Variants in PIK3C2B observed in about 807,000 individuals in gnomAD.
The protein encoded by PIK3C2B is phosphatidylinositol-4-phosphate 3-kinase catalytic subunit type 2 beta.
In PIK3C2B, 83 loss-of-function variants were observed where a neutral mutation model predicts 184.3. The ratio of observed to expected loss-of-function variants is 0.45; its 90% CI spans 0.38 to 0.54. PIK3C2B has a LOEUF of 0.54. Among genes scored for constraint, PIK3C2B ranks in the 20% least tolerant of loss-of-function variants. PIK3C2B has a pLI of 0.00. For missense variants in PIK3C2B, 1,736 were observed against 2,113.5 expected (o/e 0.82, Z 3.50); for synonymous variants, 779 against 837.6 (o/e 0.93, Z 1.21).
chr1:204,451,748 C>T (rs2103491690), intron 12 of PIK3C2B, among the ~76,000 whole-genome samples: 1 of 152,360 alleles, frequency 6.6e-6, no homozygotes, highest in East Asian at 1.9e-4. Flanking sequence ...TGCACTGGCA[C>T]TGGCTTATAC....
rs760085756 is a variant in PIK3C2B, at chr1:204,425,144, G to C, written c.4717-104C>G. 3 of 868,578 alleles carry C rather than the reference G, an allele frequency of 3.5e-6. No homozygotes were observed. In the East Asian group the frequency reaches 7.9e-5, roughly 23 times the overall value. The allele number at this position is 868,578 out of a possible 1,614,324, so 53.8% of individuals were successfully genotyped here. A position where few individuals can be genotyped will look rare whatever the true frequency, so the allele number is the denominator to read the frequency against. ...GTAAAGTCTGTTGGGGGCTGATCCA[G>C]CTGAGGCTAGCACTCACCCTGCAGA... is the stretch of plus-strand genomic sequence containing the variant. On this transcript the variant is annotated intron_variant, in intron 32 of 32. Transcript: ENST00000684373.
chr1:204,424,572 A>G lies in PIK3C2B; in HGVS notation c.*280T>C, dbSNP rs1020317864. ...ACCCCACACACTCCCCAAACCAAGC[A>G]TTGCTCCCTTGACACAAGGTAAACT... On this transcript the variant is annotated 3_prime_UTR_variant, in exon 33 of 33. Transcript: ENST00000684373. 1.3e-5 allele frequency: 7 copies of G among 538,982 alleles called. No individual in the cohort carries two copies. The highest frequency in any genetic ancestry group is 2.1e-5 in the Non-Finnish European group (6 of 280,738). 33.4% of individuals were successfully genotyped at this position (538,982 alleles called of 1,614,324 possible). A position where few individuals can be genotyped will look rare whatever the true frequency, so the allele number is the denominator to read the frequency against.
In PIK3C2B at chr1:204,447,178, T is replaced by C. The variant is rs1042096328; in HGVS notation, c.2489+258A>G. Among the ~76,000 whole-genome samples, 1 of 152,160 alleles carries C rather than the reference T, an allele frequency of 6.6e-6. No homozygotes were observed. The highest frequency in any genetic ancestry group is 2.4e-5 in the African/African-American group (1 of 41,442). ...ACATCTGGGATGTGGGGCAGAGCTCTGGTCCTCCTGGGTAGCTGAGTCTGG... is the reference window on the plus strand; with the variant it reads ...ACATCTGGGATGTGGGGCAGAGCTCCGGTCCTCCTGGGTAGCTGAGTCTGG... On this transcript the variant is annotated intron_variant, in intron 15 of 32. Transcript: ENST00000684373. This position sits in a 1 kb window ranked among gnomAD's most constrained non-coding sequence, Gnocchi z 4.1.
intron 5 of PIK3C2B, among the ~76,000 whole-genome samples, chr1:204,463,784 C>T (rs763112262): frequency 3.3e-5 from 5 of 151,744 alleles, no homozygotes; most frequent in Non-Finnish European, 7.4e-5. Flanking sequence ...CTAATCCCAG[C>T]TCCAAGCTCT....
intron 5 of PIK3C2B, among the ~76,000 whole-genome samples, chr1:204,460,980 G>A (rs1655291776): frequency 6.6e-6 from 1 of 152,170 alleles, no homozygotes; most frequent in Non-Finnish European, 1.5e-5. Context: ...CGGGGAAACA[G>A]AGGCACATCA....
chr1:204,428,833 A>C (rs1674884345), intron 29 of PIK3C2B: 1 of 411,822 alleles, frequency 2.4e-6, no homozygotes, highest in Non-Finnish European at 4.8e-6. Flanking sequence ...CAAATATAGC[A>C]AAATGTTAAG....
chr1:204,456,142 A>G (rs1654829587), intron 10 of PIK3C2B, 91 bp from the exon 11 acceptor site: 1 of 1,008,100 alleles, frequency 9.9e-7, no homozygotes, highest in Admixed American at 2.6e-5. Flanking sequence ...GGATGGCCTA[A>G]GACAGTGGTC....
rs772815718 is a variant in PIK3C2B, at chr1:204,438,949, C to T, written c.3502G>A (p.Asp1168Asn). Residue 1168 changes from aspartate (D) to asparagine (N), a missense_variant, in exon 23 of 33, where the codon GAC (aspartate) becomes AAC (asparagine). Asp to Asn is a conservative substitution (Grantham distance 23, BLOSUM62 1). Around this residue, in one of 8 missense-constraint regions of PIK3C2B, gnomAD observed 289 missense variants for 380.4 expected, o/e 0.76. Coordinates refer to ENST00000684373, the MANE Select transcript of PIK3C2B (RefSeq NM_001377334.1). Reference sequence around the variant, plus strand: ...CACAACCCTACCTTCTCATACTCGTCCTCCCCAGGGTTGTGTTTCTGCAGC... The same window carrying T: ...CACAACCCTACCTTCTCATACTCGTTCTCCCCAGGGTTGTGTTTCTGCAGC... ...DWLQKHNPGEDEYEKAVENFI... is the reference protein window; with the variant it reads ...DWLQKHNPGENEYEKAVENFI... The T allele has an allele frequency of 1.2e-6, 2 of 1,613,878 alleles. No individual in the cohort carries two copies. Among genetic ancestry groups the T allele is most frequent in the South Asian group, 1.1e-5 (1 of 91,084 alleles).
chr1:204,473,989 C>CT (rs71145092), intron 1 of PIK3C2B, among the ~76,000 whole-genome samples: 5,722 of 115,094 alleles, frequency 0.05, 483 homozygotes, highest in African/African-American at 0.13. Context: ...CTCCCCTTGA[C>CT]TTTTTTTTTT....
rs775992902 is a variant in PIK3C2B at position 204,440,234 on chromosome 1, G to A, written c.3337C>T (p.Arg1113Cys). The A allele has an allele frequency of 9.3e-6, 15 of 1,612,114 alleles. No homozygotes were observed. Among genetic ancestry groups the A allele is most frequent in the South Asian group, 2.2e-5 (2 of 91,054 alleles). Residue 1113 changes from arginine (R) to cysteine (C), a missense_variant, in exon 22 of 33, where the codon CGC becomes TGC. Arg to Cys is a radical substitution (Grantham distance 180). Around this residue, in one of 8 missense-constraint regions of PIK3C2B, gnomAD observed 289 missense variants for 380.4 expected, o/e 0.76. Coordinates refer to ENST00000684373, the MANE Select transcript of PIK3C2B (RefSeq NM_001377334.1). Reference protein sequence around the residue: ...KIWVQEGLDMRMVIFRCFSTG... With the variant: ...KIWVQEGLDMCMVIFRCFSTG... Reference sequence around the variant, plus strand: ...GAGAAGCAGCGGAAGATGACCATGCGCATGTCCAGCCCCTCCTGGACCCAG... The same window carrying A: ...GAGAAGCAGCGGAAGATGACCATGCACATGTCCAGCCCCTCCTGGACCCAG...
Position 204,433,357 on chromosome 1 carries a change from C to A in PIK3C2B, c.3912G>T (p.Arg1304Ser). The A allele has an allele frequency of 1.2e-6, 2 of 1,611,904 alleles. No homozygotes were observed. Among genetic ancestry groups the A allele is most frequent in the Non-Finnish European group, 1.7e-6 (2 of 1,177,942 alleles). The change falls in exon 26 of 33, where the codon AGG (arginine) becomes AGT (serine). Residue 1304 changes from arginine to serine, a missense_variant. Physicochemically the swap from Arg to Ser is moderately radical, Grantham distance 110 (BLOSUM62 -1). This residue lies in a region of PIK3C2B where 119 missense variants were observed against 179.3 expected (regional missense o/e 0.66). Transcript: ENST00000684373. This position sits in a 1 kb window ranked among gnomAD's most constrained non-coding sequence, Gnocchi z 5.0. ...EDLKYVYDAL[R>S]PQDTEANATT... ...TGGCATTGGCCTCTGTATCCTGAGG[C>A]CTCAGGGCATCGTACACATACTTGA...
In PIK3C2B at chr1:204,467,833, C is replaced by CAAAAAAAAAAAAAAAAA. The variant is rs545904416; in HGVS notation, c.933+1020_933+1036dup. On this transcript the variant is annotated intron_variant, in intron 2 of 32. Coordinates refer to ENST00000684373, the MANE Select transcript of PIK3C2B (RefSeq NM_001377334.1). Reference sequence around the variant, plus strand: ...CTGGTGACAGAGTGAGACTCTGTCTCAAAAAAAAAAAAAAAAAGAAGGCAT... The same window carrying CAAAAAAAAAAAAAAAAA: ...CTGGTGACAGAGTGAGACTCTGTCTCAAAAAAAAAAAAAAAAAAAAAAAAAAAAAAAAAAGAAGGCAT... Among the ~76,000 whole-genome samples, 4 of 88,578 alleles carry CAAAAAAAAAAAAAAAAA rather than the reference C, an allele frequency of 4.5e-5. 2 individuals carry two copies. 58.1% of individuals were successfully genotyped at this position (88,578 alleles called of 152,430 possible). A position where few individuals can be genotyped will look rare whatever the true frequency, so the allele number is the denominator to read the frequency against.
chr1:204,465,909 TG>T (rs1655729985), intron 2 of PIK3C2B, among the ~76,000 whole-genome samples: 1 of 152,238 alleles, frequency 6.6e-6, no homozygotes, highest in Non-Finnish European at 1.5e-5. Flanking sequence ...AGCAGTGGTC[TG>T]GGCAGGGGAG....
intron 8 of PIK3C2B, among the ~76,000 whole-genome samples, chr1:204,458,824 C>A (rs1183400160): frequency 6.6e-6 from 1 of 151,968 alleles, no homozygotes; most frequent in African/African-American, 2.4e-5. Context: ...ACTTCTCTAC[C>A]CATCGTAGCC....
In PIK3C2B at chr1:204,424,740, T is replaced by A; in HGVS notation, c.*112A>T. ...GAGGCCAGAATCACCTGGACCGAGC[T>A]GGAGGCCTGCCCAGGGCCCTGGCCC... On this transcript the variant is annotated 3_prime_UTR_variant, in exon 33 of 33. Transcript: ENST00000684373. 1.9e-6 allele frequency: 2 copies of A among 1,053,020 alleles called. No homozygotes were observed. The highest frequency in any genetic ancestry group is 3.0e-6 in the Non-Finnish European group (2 of 673,428). 65.2% of individuals were successfully genotyped at this position (1,053,020 alleles called of 1,614,324 possible). A position where few individuals can be genotyped will look rare whatever the true frequency, so the allele number is the denominator to read the frequency against.
At chr1:204,466,537 G>A (rs1655811350) in intron 2 of PIK3C2B, among the ~76,000 whole-genome samples, 1 of 152,188 alleles carries the variant, frequency 6.6e-6, no homozygotes, top group Non-Finnish European at 1.5e-5. Flanking sequence ...TGGCATGTGA[G>A]GCCCTGGCTC....
At chr1:204,472,882 A>G (rs1656406595) in intron 1 of PIK3C2B, among the ~76,000 whole-genome samples, 1 of 152,176 alleles carries the variant, frequency 6.6e-6, no homozygotes, top group African/African-American at 2.4e-5. Context: ...AGGAGATTCT[A>G]ATGTGTAGCC....
intron 12 of PIK3C2B, 149 bp downstream of exon 12, chr1:204,454,520 T>C: frequency 3.4e-6 from 2 of 595,370 alleles, no homozygotes; most frequent in Non-Finnish European, 5.7e-6. Context: ...AAGTGGAGAC[T>C]CAAGAGGTTG....
In PIK3C2B at chr1:204,468,978, G is replaced by A; in HGVS notation, c.825C>T (p.Ala275=). The stretch of plus-strand genomic sequence containing the variant: ...CCTGAGGGGGCATAGTCTTGCTCCT[G>A]GCCACGGGTTTTCCAGAGGTGTCTT... ...FSKDTSGKPV[A]RSKTMPPQVP... is the part of the protein sequence containing the mutation. The change falls in exon 2 of 33, where the codon GCC becomes GCT. Residue 275 remains alanine, a synonymous_variant. Transcript: ENST00000684373. 1 of 1,614,200 alleles carries A rather than the reference G, an allele frequency of 6.2e-7. No individual in the cohort carries two copies.
Sources: gnomAD v4.1 joint callset for allele counts (sites outside exome capture counted in the v4.1 genomes callset) on GRCh38, gnomAD v4.1.1 for gene constraint, gnomAD v4.1.1 regional missense constraint, Gnocchi (gnomAD v3.1) non-coding constraint, MANE v1.5 for transcripts, NCBI Gene and HGNC (gene_info 2026-07-23, HGNC 2026-07-21) for gene names.